The following PRPSAP1 variants were observed in gnomAD, a reference collection of about 807,000 sequenced individuals.
PRPSAP1 encodes the protein phosphoribosyl pyrophosphate synthetase associated protein 1.
A neutral mutation model predicts 39.4 loss-of-function variants in PRPSAP1; 31 were observed. The ratio of observed to expected loss-of-function variants is 0.79; its 90% CI spans 0.59 to 1.06. The LOEUF is 1.06. PRPSAP1 is among the 50% of genes least tolerant of loss of function. The pLI is 0.00. For missense variants in PRPSAP1, 430 were observed against 511.6 expected (o/e 0.84, Z 1.54); for synonymous variants, 212 against 192.6 (o/e 1.10, Z -0.83).
At position 76,332,245 on chromosome 17, in the gene PRPSAP1, GC is replaced by G. The variant is rs766881342; in HGVS notation, c.463+17del. 3 of 1,611,454 alleles carry G rather than the reference GC, an allele frequency of 1.9e-6. No homozygotes were observed. The African/African-American group carries it at 4.0e-5, about 22-fold the overall frequency. On this transcript the variant is annotated intron_variant, in intron 4 of 9. Transcript: ENST00000446526. Reference sequence around the variant, plus strand: ...TAAAGGATCATGCTGGAACCCCAGGGCCCCCGCGCACACTCACCTGCTTTCG... The same window carrying G: ...TAAAGGATCATGCTGGAACCCCAGGGCCCCGCGCACACTCACCTGCTTTCG...
chr17:76,347,627 C>G (rs529492263), intron 2 of PRPSAP1, among the ~76,000 whole-genome samples: 1 of 151,198 alleles, frequency 6.6e-6, no homozygotes, highest in East Asian at 2.0e-4. Flanking sequence ...GGAATTTATT[C>G]TAGCAGTGAC....
chr17:76,333,150 G>T (rs1353876560), intron 3 of PRPSAP1, among the ~76,000 whole-genome samples: 1 of 151,880 alleles, frequency 6.6e-6, no homozygotes, highest in Non-Finnish European at 1.5e-5. Context: ...TCACTCTGTC[G>T]CCCAGGCTGG....
chr17:76,317,263 T>C (rs1258365454), intron 7 of PRPSAP1, among the ~76,000 whole-genome samples: 4 of 152,116 alleles, frequency 2.6e-5, no homozygotes, highest in Non-Finnish European at 1.5e-5. Flanking sequence ...GGCAGGAGAA[T>C]TGCTTGGGCC....
intron 7 of PRPSAP1, among the ~76,000 whole-genome samples, chr17:76,321,286 G>A (rs1326648041): frequency 6.6e-6 from 1 of 152,028 alleles, no homozygotes; most frequent in East Asian, 1.9e-4. Flanking sequence ...GGATGCAGTG[G>A]TGGCTCACAC....
upstream of PRPSAP1, chr17:76,354,051 C>T: frequency 9.1e-7 from 1 of 1,094,406 alleles, no homozygotes; most frequent in South Asian, 3.6e-5. Flanking sequence ...AGGTTCGCCC[C>T]GCCCCTGCTT....
chr17:76,324,860 G>A (rs1056260430), intron 7 of PRPSAP1, among the ~76,000 whole-genome samples: 8 of 150,230 alleles, frequency 5.3e-5, no homozygotes, highest in African/African-American at 2.0e-4. Flanking sequence ...AGGAGATCGA[G>A]ACCATCCTGG....
At position 76,309,724 on chromosome 17, in the gene PRPSAP1, T is replaced by C. The variant is rs192015803; in HGVS notation, c.*1818A>G. ...AGTAGGTATTACAAGTCATCCAGGA[T>C]GTGCATAGCTTATATGCAGATACTA... On this transcript the variant is annotated 3_prime_UTR_variant, in exon 10 of 10. Transcript: ENST00000446526. 1 of 152,338 alleles carries C rather than the reference T, an allele frequency of 6.6e-6. No homozygotes were observed. The highest frequency in any genetic ancestry group is 6.5e-5 in the Admixed American group (1 of 15,296). 9.4% of individuals were successfully genotyped at this position (152,338 alleles called of 1,614,324 possible).
chr17:76,336,846 C>T (rs1296530153), intron 3 of PRPSAP1, among the ~76,000 whole-genome samples: 13 of 152,058 alleles, frequency 8.5e-5, no homozygotes. Flanking sequence ...CCATACCTCA[C>T]CCCTTATTGG....
intron 7 of PRPSAP1, among the ~76,000 whole-genome samples, chr17:76,319,951 C>T (rs773655431): frequency 6.6e-6 from 1 of 151,838 alleles, no homozygotes; most frequent in African/African-American, 2.4e-5. Flanking sequence ...CTCTCTCTGG[C>T]CAAATATGAG....
chr17:76,347,497 A>G (rs1439061297), intron 2 of PRPSAP1, among the ~76,000 whole-genome samples: 1 of 150,016 alleles, frequency 6.7e-6, no homozygotes, highest in East Asian at 1.9e-4. Context: ...AAAAAAAAAA[A>G]AAAAAAAAAA....
chr17:76,353,587 G>C lies in PRPSAP1; in HGVS notation c.117C>G (p.Val39=), dbSNP rs759278025. 2 of 1,563,584 alleles carry C rather than the reference G, an allele frequency of 1.3e-6. No individual in the cohort carries two copies. The highest frequency in any genetic ancestry group is 1.8e-5 in the Admixed American group (1 of 54,984). Residue 39 remains valine, a synonymous_variant, in exon 1 of 10, where the codon GTC becomes GTG. Transcript: ENST00000446526. The part of the protein sequence containing the change: ...AMNAARTGYR[V]FSANSTAACT... ...AGGCGGCCGTGGAGTTGGCCGAGAA[G>C]ACTCGGTAGCCGGTGCGAGCGGCGT...
At chr17:76,329,193 C>A (rs1283731282) in intron 6 of PRPSAP1, among the ~76,000 whole-genome samples, 1 of 151,900 alleles carries the variant, frequency 6.6e-6, no homozygotes, top group Non-Finnish European at 1.5e-5. Flanking sequence ...ACCTCAACCT[C>A]CCGAGTAGCG....
chr17:76,340,604 T>C (rs1598536158), intron 3 of PRPSAP1, among the ~76,000 whole-genome samples: 1 of 151,756 alleles, frequency 6.6e-6, no homozygotes, highest in African/African-American at 2.4e-5. Context: ...GAAATAACCA[T>C]GAACGGCCTC....
At chr17:76,341,560 T>C (rs1037381518) in intron 3 of PRPSAP1, among the ~76,000 whole-genome samples, 2 of 152,202 alleles carry the variant, frequency 1.3e-5, no homozygotes, top group African/African-American at 4.8e-5. Flanking sequence ...TTCTTAAAGA[T>C]AACTCTTTAC....
chr17:76,349,790 A>C (rs2071548254), intron 1 of PRPSAP1, among the ~76,000 whole-genome samples: 1 of 151,858 alleles, frequency 6.6e-6, no homozygotes, highest in South Asian at 2.1e-4. Flanking sequence ...AAATAAAATT[A>C]ACATCTCCAG....
intron 1 of PRPSAP1, among the ~76,000 whole-genome samples, chr17:76,349,548 G>A (rs935607868): frequency 3.9e-5 from 6 of 151,972 alleles, no homozygotes; most frequent in Admixed American, 6.6e-5. Flanking sequence ...ATCACCTGAG[G>A]TCAGGAGTTC....
chr17:76,318,292 A>G (rs1400911439), intron 7 of PRPSAP1, among the ~76,000 whole-genome samples: 3 of 152,136 alleles, frequency 2.0e-5, no homozygotes, highest in Non-Finnish European at 4.4e-5. Context: ...TACTAAAAAT[A>G]CAAAAAAATT....
intron 7 of PRPSAP1, chr17:76,319,613 T>A (rs946722364): frequency 1.3e-5 from 2 of 151,990 alleles, no homozygotes; most frequent in South Asian, 2.1e-4. Flanking sequence ...GGATTACAGG[T>A]GCCCGCCACC....
Position 76,353,700 on chromosome 17 carries a change from G to T in PRPSAP1, c.4C>A (p.Pro2Thr), listed in dbSNP as rs1333651487. The T allele has an allele frequency of 1.4e-6, 2 of 1,472,184 alleles. No homozygotes were observed. Among genetic ancestry groups the T allele is most frequent in the Middle Eastern group, 2.4e-4 (1 of 4,112 alleles). The allele number at this position is 1,472,184 out of a possible 1,614,324, so 91.2% of individuals were successfully genotyped here. ...GGGGGCAACAGCAGCAGCTTCTTGG[G>T]CATCGTCCGGCCCGCGGCGCGGTTA... M[P>T]KKLLLLPPPS... Residue 2 changes from proline (P) to threonine (T), a missense_variant, in exon 1 of 10, where the codon CCC becomes ACC. Around this residue, in one of 2 missense-constraint regions of PRPSAP1, gnomAD observed 152 missense variants for 135.2 expected, o/e 1.12. Transcript: ENST00000446526.
Sources: allele counts gnomAD v4.1 joint callset (sites outside exome capture counted in the v4.1 genomes callset), GRCh38; gene constraint gnomAD v4.1.1; regional missense constraint gnomAD v4.1.1; transcripts MANE v1.5; gene names NCBI Gene and HGNC (gene_info 2026-07-23, HGNC 2026-07-21).